The following UBE2W variants were observed in gnomAD, a reference collection of about 807,000 sequenced individuals.
UBE2W encodes ubiquitin conjugating enzyme E2 W.
In UBE2W, 18 loss-of-function variants were observed where a neutral mutation model predicts 27.2. That is an observed-to-expected ratio of 0.66 (90% CI 0.46 to 0.98). The LOEUF is 0.98. Among genes scored for constraint, UBE2W ranks in the 50% least tolerant of loss-of-function variants. UBE2W has a pLI of 0.00. For missense variants in UBE2W, 90 were observed against 180.2 expected, an observed-to-expected ratio of 0.50 and a Z score of 2.87; for synonymous variants, 53 against 57.2, an observed-to-expected ratio of 0.93 and a Z score of 0.33.
intron 1 of UBE2W, among the ~76,000 whole-genome samples, chr8:73,846,978 T>C (rs997701628): frequency 5.3e-5 from 8 of 151,978 alleles, no homozygotes; most frequent in Non-Finnish European, 7.4e-5. Context: ...ATTGAGACCA[T>C]ACCGGCTAAC....
At position 73,831,243 on chromosome 8, in the gene UBE2W, A is replaced by C. The variant is rs1810052191; in HGVS notation, c.16-771T>G. The C allele has an allele frequency of 9.5e-6, 3 of 316,800 alleles. No homozygotes were observed. In the Admixed American group the frequency reaches 1.5e-4, roughly 15 times the overall value. The allele number at this position is 316,800 out of a possible 1,614,324, so 19.6% of individuals were successfully genotyped here. ...CCTAGAAGGCATGAAAAGATTAAGG[A>C]AATTTTTTAAAAAGATATTCAATGA... On this transcript the variant is annotated intron_variant, in intron 1 of 5. Transcript: ENST00000602593.
intron 1 of UBE2W, among the ~76,000 whole-genome samples, chr8:73,872,711 GA>G (rs1812049857): frequency 6.6e-6 from 1 of 152,084 alleles, no homozygotes; most frequent in Admixed American, 6.6e-5. Flanking sequence ...TTTCAGTCAA[GA>G]ATTAAGCATT....
intron 1 of UBE2W, among the ~76,000 whole-genome samples, chr8:73,870,827 G>GAAAAAA (rs60577226): frequency 3.0e-5 from 3 of 99,524 alleles, no homozygotes; most frequent in African/African-American, 7.1e-5. Context: ...TGAGTGAAAA[G>GAAAAAA]AAAAAAAAAA....
intron 1 of UBE2W, among the ~76,000 whole-genome samples, chr8:73,860,358 G>C (rs1485873533): frequency 1.3e-5 from 2 of 152,188 alleles, no homozygotes; most frequent in African/African-American, 4.8e-5. Flanking sequence ...TGGAATCAGA[G>C]ATAAGGCAAG....
At chr8:73,818,712 T>G (rs1361388309) in intron 3 of UBE2W, among the ~76,000 whole-genome samples, 1 of 152,170 alleles carries the variant, frequency 6.6e-6, no homozygotes, top group Non-Finnish European at 1.5e-5. Flanking sequence ...CATGAATGGC[T>G]TGGTGATGTC....
At chr8:73,832,129 AT>A (rs923945018) in intron 1 of UBE2W, among the ~76,000 whole-genome samples, 3 of 142,352 alleles carry the variant, frequency 2.1e-5, no homozygotes, top group Admixed American at 6.8e-5. Context: ...AACAAAAAAA[AT>A]AAATAAATAT....
At chr8:73,868,594 G>A (rs1237332387) in intron 1 of UBE2W, among the ~76,000 whole-genome samples, 1 of 151,948 alleles carries the variant, frequency 6.6e-6, no homozygotes, top group Non-Finnish European at 1.5e-5. Context: ...TACAACTTGT[G>A]ACTGGTGTCT....
At chr8:73,843,920 C>T (rs756604725) in intron 1 of UBE2W, among the ~76,000 whole-genome samples, 4 of 152,018 alleles carry the variant, frequency 2.6e-5, no homozygotes, top group Non-Finnish European at 5.9e-5. Flanking sequence ...ACCCGTGAGA[C>T]GGAGGTTGCA....
At chr8:73,794,923 G>A (rs969053004) in intron 5 of UBE2W, among the ~76,000 whole-genome samples, 14 of 149,916 alleles carry the variant, frequency 9.3e-5, no homozygotes, top group African/African-American at 2.7e-4. Flanking sequence ...ATATGCAAAT[G>A]GGGTCATTAA....
chr8:73,811,250 C>T (rs1365285632), intron 3 of UBE2W, among the ~76,000 whole-genome samples: 3 of 152,176 alleles, frequency 2.0e-5, no homozygotes, highest in Non-Finnish European at 4.4e-5. Flanking sequence ...TGCAGTTTTA[C>T]TCTCCTTTCC....
At chr8:73,838,300 C>T (rs956903014) in intron 1 of UBE2W, among the ~76,000 whole-genome samples, 3 of 151,998 alleles carry the variant, frequency 2.0e-5, no homozygotes, top group Admixed American at 1.3e-4. Flanking sequence ...GGTAAGAAAA[C>T]CATTGACAAA....
At chr8:73,876,504 G>A (rs535174869) in intron 1 of UBE2W, among the ~76,000 whole-genome samples, 2 of 152,078 alleles carry the variant, frequency 1.3e-5, no homozygotes, top group Non-Finnish European at 2.9e-5. Context: ...GGAAGCATCC[G>A]TTTTCCATTC....
At chr8:73,855,325 T>C (rs574005700) in intron 1 of UBE2W, among the ~76,000 whole-genome samples, 2 of 151,544 alleles carry the variant, frequency 1.3e-5, no homozygotes, top group East Asian at 1.9e-4. Flanking sequence ...CTCACAGCAA[T>C]AGCAACAGAA....
chr8:73,801,536 A>C (rs1392448000), intron 5 of UBE2W, among the ~76,000 whole-genome samples: 3 of 152,356 alleles, frequency 2.0e-5, no homozygotes, highest in South Asian at 4.1e-4. Context: ...ATCTATCTGA[A>C]CCAGAATTAC....
intron 3 of UBE2W, among the ~76,000 whole-genome samples, chr8:73,819,603 T>C (rs1425482979): frequency 6.6e-6 from 1 of 152,232 alleles, no homozygotes; most frequent in Non-Finnish European, 1.5e-5. Flanking sequence ...GAAAGCTATT[T>C]TCTGTATGGC....
At position 73,786,268 on chromosome 8, in the gene UBE2W, G is replaced by A; in HGVS notation, c.*7834C>T. ...AAAAGTAGTTTTCTCAAACTCTCTG[G>A]GATAGAAAGAGCAGGGTCCTGTTAT... On this transcript the variant is annotated 3_prime_UTR_variant, in exon 6 of 6. Transcript: ENST00000602593. 1.0e-6 allele frequency: 1 copy of A among 985,366 alleles called. No individual in the cohort carries two copies. 61.0% of individuals were successfully genotyped at this position (985,366 alleles called of 1,614,324 possible).
At chr8:73,804,586 T>C (rs893706892) in intron 5 of UBE2W, among the ~76,000 whole-genome samples, 3 of 151,726 alleles carry the variant, frequency 2.0e-5, no homozygotes, top group Non-Finnish European at 4.4e-5. Flanking sequence ...ATGATTAGAA[T>C]AGAGAGCTTT....
rs755437105 is a variant in UBE2W at position 73,787,526 on chromosome 8, T to C, written c.*6576A>G. The C allele has an allele frequency of 7.2e-5, 71 of 985,292 alleles. No individual in the cohort carries two copies. Among genetic ancestry groups the C allele is most frequent in the Non-Finnish European group, 8.2e-5 (68 of 829,936 alleles). The allele number at this position is 985,292 out of a possible 1,614,324, so 61.0% of individuals were successfully genotyped here. A position where few individuals can be genotyped will look rare whatever the true frequency, so the allele number is the denominator to read the frequency against. ...AGGACGGCAGGAACAGCTTGAGACA[T>C]GATCGTTTTTATGGCAGAATGGCTG... On this transcript the variant is annotated 3_prime_UTR_variant, in exon 6 of 6. Coordinates refer to ENST00000602593, the MANE Select transcript of UBE2W (RefSeq NM_018299.6).
chr8:73,795,820 G>A (rs1025552793), intron 5 of UBE2W: 10 of 981,062 alleles, frequency 1.0e-5, no homozygotes, highest in Middle Eastern at 5.2e-4. Flanking sequence ...AGTGGCTCAC[G>A]CCTGTAATTC....
Sources: allele counts gnomAD v4.1 joint callset (sites outside exome capture counted in the v4.1 genomes callset), GRCh38; gene constraint gnomAD v4.1.1; transcripts MANE v1.5; gene names NCBI Gene and HGNC (gene_info 2026-07-23, HGNC 2026-07-21).